Variants in EPHA5 observed in about 807,000 individuals in gnomAD.
EPHA5 encodes the protein ephrin type-A receptor 5.
EPHA5 carries 60 observed loss-of-function variants against 105.0 expected under a neutral mutation model. That is an observed-to-expected ratio of 0.57 (90% CI 0.46 to 0.71). The LOEUF is 0.71. Ranked by LOEUF, EPHA5 falls within the 30% of genes least tolerant of loss-of-function variation. The pLI is 0.00. For synonymous variants in EPHA5, 513 were observed against 449.1 expected, an observed-to-expected ratio of 1.14 and a Z score of -1.80; for missense variants, 1,218 against 1,274.7, an observed-to-expected ratio of 0.96 and a Z score of 0.68.
intron 6 of EPHA5, among the ~76,000 whole-genome samples, chr4:65,414,810 G>A (rs371714603): frequency 6.6e-6 from 1 of 152,116 alleles, no homozygotes; most frequent in African/African-American, 2.4e-5. Context: ...ATCGGAGCAT[G>A]TCTAACATAC....
At chr4:65,371,026 AAC>A (rs1005393014) in intron 8 of EPHA5, among the ~76,000 whole-genome samples, 14 of 152,098 alleles carry the variant, frequency 9.2e-5, no homozygotes, top group African/African-American at 3.4e-4. Context: ...CAATCAGAAA[AAC>A]AGTCAATAAA....
At chr4:65,413,237 C>G (rs903950892) in intron 7 of EPHA5, among the ~76,000 whole-genome samples, 3 of 152,040 alleles carry the variant, frequency 2.0e-5, no homozygotes, top group African/African-American at 7.2e-5. Flanking sequence ...AAACTTCACT[C>G]ATGGATTTTC....
chr4:65,650,613 T>C (rs978672142), intron 1 of EPHA5, among the ~76,000 whole-genome samples: 4 of 150,806 alleles, frequency 2.7e-5, no homozygotes, highest in African/African-American at 9.8e-5. Context: ...TCTGAGTCAC[T>C]GAGTCACCCT....
At chr4:65,479,503 G>A (rs1022600741) in intron 5 of EPHA5, among the ~76,000 whole-genome samples, 5 of 152,124 alleles carry the variant, frequency 3.3e-5, no homozygotes, top group African/African-American at 1.2e-4. Context: ...ACCTTGTATA[G>A]GGAAATGGGG....
chr4:65,470,141 T>C (rs1729142477), intron 5 of EPHA5, among the ~76,000 whole-genome samples: 1 of 151,944 alleles, frequency 6.6e-6, no homozygotes, highest in Admixed American at 6.6e-5. Context: ...GAACTTCATC[T>C]CATGTGGCAG....
In EPHA5 at chr4:65,669,642, G is replaced by A. The variant is rs1578745067; in HGVS notation, c.101C>T (p.Ala34Val). ...CGTCCAGAGGGGAGCCCGTCGAGGT[G>A]CAGAGTAGCAGCCGGCCAGGGACGC... ...TPASLAGCYS[A>V]PRRAPLWTCL... Residue 34 changes from alanine to valine, a missense_variant, in exon 1 of 17, where the codon GCA becomes GTA. Physicochemically the swap from Ala to Val is moderately conservative, Grantham distance 64. Around this residue, in one of 3 missense-constraint regions of EPHA5, gnomAD observed 233 missense variants for 227.5 expected, o/e 1.02. Coordinates refer to ENST00000613740, the MANE Select transcript of EPHA5 (RefSeq NM_001281766.3). The A allele has an allele frequency of 7.1e-7, 1 of 1,398,730 alleles. No homozygotes were observed. Among genetic ancestry groups the A allele is most frequent in the Non-Finnish European group, 9.3e-7 (1 of 1,071,006 alleles). 86.6% of individuals were successfully genotyped at this position (1,398,730 alleles called of 1,614,324 possible).
At chr4:65,604,585 A>C (rs1377731072) in intron 2 of EPHA5, among the ~76,000 whole-genome samples, 1 of 152,198 alleles carries the variant, frequency 6.6e-6, no homozygotes, top group Non-Finnish European at 1.5e-5. Context: ...ATCTGCTGTC[A>C]TTGAGACACA....
intron 8 of EPHA5, among the ~76,000 whole-genome samples, chr4:65,397,420 T>C (rs1578012203): frequency 6.6e-6 from 1 of 152,064 alleles, no homozygotes; most frequent in African/African-American, 2.4e-5. Flanking sequence ...TTTGTTCTGT[T>C]CCCCACCTAA....
At chr4:65,500,851 C>T (rs1732416452) in intron 3 of EPHA5, among the ~76,000 whole-genome samples, 2 of 150,226 alleles carry the variant, frequency 1.3e-5, no homozygotes, top group African/African-American at 2.4e-5. Context: ...GCATACTATA[C>T]ATATAAAGGA....
At chr4:65,446,901 T>G (rs1024658362) in intron 5 of EPHA5, among the ~76,000 whole-genome samples, 1 of 152,012 alleles carries the variant, frequency 6.6e-6, no homozygotes, top group Non-Finnish European at 1.5e-5. Flanking sequence ...AATAATTTAT[T>G]CTAAGACCAA....
rs562203142 is a variant in EPHA5, at chr4:65,515,560, G to A, written c.911-20017C>T. On this transcript the variant is annotated intron_variant, in intron 3 of 16. Coordinates refer to ENST00000613740, the MANE Select transcript of EPHA5 (RefSeq NM_001281766.3). ...ATCTTACACATCTTTTGTTGAACTT[G>A]TACCTAAGTATTTTATGGTTTTTTG... is the stretch of plus-strand genomic sequence containing the variant. Among the ~76,000 whole-genome samples the A allele has an allele frequency of 2.6e-5, 4 of 152,066 alleles. No individual in the cohort carries two copies. In the South Asian group the frequency reaches 6.2e-4, roughly 24 times the overall value.
intron 5 of EPHA5, among the ~76,000 whole-genome samples, chr4:65,482,080 C>T (rs1432109131): frequency 6.6e-6 from 1 of 151,992 alleles, no homozygotes; most frequent in African/African-American, 2.4e-5. Flanking sequence ...GGTGTATCAC[C>T]TGAGGTCAGG....
intron 3 of EPHA5, among the ~76,000 whole-genome samples, chr4:65,535,216 G>T (rs1368388575): frequency 2.0e-5 from 3 of 152,098 alleles, no homozygotes; most frequent in Non-Finnish European, 4.4e-5. Flanking sequence ...TTAATATCAT[G>T]TAATTGCTAA....
chr4:65,404,547 T>C, intron 7 of EPHA5, 68 bp from the exon 8 acceptor site: 1 of 1,377,024 alleles, frequency 7.3e-7, no homozygotes, highest in Non-Finnish European at 1.0e-6. Flanking sequence ...TAAAAGTTGC[T>C]TAATAGACAG....
intron 3 of EPHA5, among the ~76,000 whole-genome samples, chr4:65,537,351 CAT>C (rs1293552123): frequency 6.6e-6 from 1 of 151,692 alleles, no homozygotes; most frequent in Non-Finnish European, 1.5e-5. Context: ...AATTACACCA[CAT>C]AGAAAAATTC....
At chr4:65,640,924 G>A (rs892402786) in intron 2 of EPHA5, among the ~76,000 whole-genome samples, 2 of 152,116 alleles carry the variant, frequency 1.3e-5, no homozygotes, top group Admixed American at 6.5e-5. Flanking sequence ...CTTTCCCTAA[G>A]TTTTCTGGTT....
intron 8 of EPHA5, among the ~76,000 whole-genome samples, chr4:65,378,962 A>G (rs1433884433): frequency 6.6e-6 from 1 of 151,880 alleles, no homozygotes. Flanking sequence ...AACCCAACAA[A>G]AAAATGAACA....
intron 3 of EPHA5, among the ~76,000 whole-genome samples, chr4:65,541,233 A>G (rs1736798271): frequency 6.6e-6 from 1 of 151,814 alleles, no homozygotes; most frequent in African/African-American, 2.4e-5. Context: ...GGATGATAGG[A>G]TAAAATTCAC....
At chr4:65,646,239 T>A (rs969877910) in intron 1 of EPHA5, among the ~76,000 whole-genome samples, 2 of 152,144 alleles carry the variant, frequency 1.3e-5, no homozygotes, top group African/African-American at 2.4e-5. Flanking sequence ...AATTCCTATC[T>A]CTAAAACACT....
Sources: allele counts gnomAD v4.1 joint callset (sites outside exome capture counted in the v4.1 genomes callset), GRCh38; gene constraint gnomAD v4.1.1; regional missense constraint gnomAD v4.1.1; transcripts MANE v1.5; gene names NCBI Gene and HGNC (gene_info 2026-07-23, HGNC 2026-07-21).